ASTN1: variants seen among roughly 807,000 people sequenced by gnomAD.
The protein encoded by ASTN1 is astrotactin-1.
Under a neutral mutation model 140.7 loss-of-function variants are expected in ASTN1, and 41 were observed. The ratio of observed to expected loss-of-function variants is 0.29; its 90% confidence interval spans 0.23 to 0.38. The LOEUF (loss-of-function observed/expected upper bound fraction) is 0.38. Among genes scored for constraint, ASTN1 ranks in the 10% least tolerant of loss-of-function variants. The pLI is 1.00. For missense variants in ASTN1, 1,479 were observed against 1,678.8 expected, an observed-to-expected ratio of 0.88 and a Z score of 2.08; for synonymous variants, 640 against 652.2, an observed-to-expected ratio of 0.98 and a Z score of 0.29.
intron 1 of ASTN1, among the ~76,000 whole-genome samples, chr1:177,147,256 C>A (rs1211733449): frequency 6.6e-6 from 1 of 152,002 alleles, no homozygotes; most frequent in Non-Finnish European, 1.5e-5. Flanking sequence ...ATCATCGGTC[C>A]CTGGGAAGAT....
At chr1:177,071,705 T>C (rs549088363) in intron 1 of ASTN1, among the ~76,000 whole-genome samples, 1 of 152,298 alleles carries the variant, frequency 6.6e-6, no homozygotes, top group African/African-American at 2.4e-5. Flanking sequence ...TGGGCATAAG[T>C]GACCTGTAAA....
chr1:177,023,597 G>A (rs1270232869), intron 6 of ASTN1, 26 bp from the exon 7 acceptor site: 3 of 1,549,678 alleles, frequency 1.9e-6, no homozygotes, highest in South Asian at 2.5e-5. Context: ...AAGGAAGCAT[G>A]CCTATATGTG....
intron 1 of ASTN1, among the ~76,000 whole-genome samples, chr1:177,162,641 T>A (rs551479247): frequency 6.6e-6 from 1 of 152,324 alleles, no homozygotes; most frequent in Non-Finnish European, 1.5e-5. Context: ...TCCCTTTTTT[T>A]AAGCACCATG....
chr1:176,975,377 G>A lies in ASTN1; in HGVS notation c.1524-10140C>T, dbSNP rs570351863. Among the ~76,000 whole-genome samples the A allele has an allele frequency of 5.3e-5, 8 of 152,340 alleles. No homozygotes were observed. In the East Asian group the frequency reaches 5.8e-4, roughly 11 times the overall value. ...AAGGGGCAGAGGGGAGGATTGTCAC[G>A]GAGCACTATCCTGGGATTTCTCCCA... On this transcript the variant is annotated intron_variant, in intron 8 of 22. Transcript: ENST00000361833.
chr1:176,974,708 T>G (rs1377254012), intron 8 of ASTN1, among the ~76,000 whole-genome samples: 1 of 152,168 alleles, frequency 6.6e-6, no homozygotes, highest in African/African-American at 2.4e-5. Context: ...TATAGATATA[T>G]CAAATGATTT....
chr1:177,024,808 T>A (rs1676024607), intron 5 of ASTN1, 76 bp from the exon 6 acceptor site: 5 of 1,505,800 alleles, frequency 3.3e-6, no homozygotes, highest in Non-Finnish European at 4.6e-6. Context: ...TTTTTGCCAA[T>A]CATCCTGGCA....
At chr1:176,899,497 T>G (rs532718578) in intron 16 of ASTN1, among the ~76,000 whole-genome samples, 1 of 152,300 alleles carries the variant, frequency 6.6e-6, no homozygotes, top group Non-Finnish European at 1.5e-5. Flanking sequence ...GGCAATGAGA[T>G]GCTAATGACA....
At chr1:176,902,899 A>G (rs781172808) in intron 16 of ASTN1, among the ~76,000 whole-genome samples, 2 of 152,212 alleles carry the variant, frequency 1.3e-5, no homozygotes, top group Non-Finnish European at 2.9e-5. Flanking sequence ...AGGAACAAGA[A>G]TTAAATCCAA....
At chr1:177,109,116 T>TGTC (rs1680691382) in intron 1 of ASTN1, among the ~76,000 whole-genome samples, 2 of 152,172 alleles carry the variant, frequency 1.3e-5, no homozygotes, top group Non-Finnish European at 2.9e-5. Context: ...TATACAAGGA[T>TGTC]GTCAGTCCTC....
intron 1 of ASTN1, among the ~76,000 whole-genome samples, chr1:177,116,182 T>G (rs1681082812): frequency 6.6e-6 from 1 of 152,170 alleles, no homozygotes; most frequent in Non-Finnish European, 1.5e-5. Flanking sequence ...AGGCACAGAC[T>G]GCTATATTAC....
At chr1:176,941,612 T>G (rs1671717473) in intron 14 of ASTN1, among the ~76,000 whole-genome samples, 1 of 151,966 alleles carries the variant, frequency 6.6e-6, no homozygotes, top group Non-Finnish European at 1.5e-5. Context: ...AGAAGGGGAG[T>G]CAACCACATG....
chr1:177,133,074 A>G (rs757640144), intron 1 of ASTN1, among the ~76,000 whole-genome samples: 1 of 152,192 alleles, frequency 6.6e-6, no homozygotes, highest in Non-Finnish European at 1.5e-5. Context: ...TTTCGACATA[A>G]TATCTGTGCC....
intron 8 of ASTN1, among the ~76,000 whole-genome samples, chr1:177,000,701 C>T (rs547899341): frequency 6.6e-6 from 1 of 152,234 alleles, no homozygotes; most frequent in African/African-American, 2.4e-5. Flanking sequence ...CGGAGCTGAC[C>T]AAACAAATGC....
At chr1:177,083,299 A>AAG (rs1394604968) in intron 1 of ASTN1, among the ~76,000 whole-genome samples, 1 of 152,104 alleles carries the variant, frequency 6.6e-6, no homozygotes, top group Non-Finnish European at 1.5e-5. Context: ...GTCACACACA[A>AAG]ATTCAACACT....
chr1:176,951,272 C>T (rs1033205589), intron 11 of ASTN1, among the ~76,000 whole-genome samples: 1 of 152,188 alleles, frequency 6.6e-6, no homozygotes, highest in African/African-American at 2.4e-5. Flanking sequence ...TGCTAGCCTC[C>T]CACTAATCAT....
At chr1:176,912,790 G>T (rs1031793719) in intron 16 of ASTN1, among the ~76,000 whole-genome samples, 9 of 152,250 alleles carry the variant, frequency 5.9e-5, no homozygotes, top group Admixed American at 5.9e-4. Context: ...TTTTAACAAA[G>T]AATATGAGGC....
intron 1 of ASTN1, among the ~76,000 whole-genome samples, chr1:177,124,078 T>A (rs1444339483): frequency 6.6e-6 from 1 of 151,826 alleles, no homozygotes; most frequent in African/African-American, 2.4e-5. Flanking sequence ...CTGCTTCCCA[T>A]GGAGGGCTTG....
chr1:176,864,565 G>A (rs1157821066), intron 22 of ASTN1, 44 bp from the exon 23 acceptor site: 1 of 1,601,926 alleles, frequency 6.2e-7, no homozygotes, highest in Non-Finnish European at 8.5e-7. Flanking sequence ...AAAGAAGAGA[G>A]GGTCTGGATG....
At chr1:176,865,429 G>A (rs1490106821) in intron 22 of ASTN1, among the ~76,000 whole-genome samples, 8 of 152,200 alleles carry the variant, frequency 5.3e-5, no homozygotes, top group Non-Finnish European at 1.5e-5. Context: ...TAAAGAAAGT[G>A]TAGAGCCAGT....
Sources: allele counts gnomAD v4.1 joint callset (sites outside exome capture counted in the v4.1 genomes callset), GRCh38; gene constraint gnomAD v4.1.1; transcripts MANE v1.5; gene names NCBI Gene and HGNC (gene_info 2026-07-23, HGNC 2026-07-21).